Variants in STIM1 observed in about 807,000 individuals in gnomAD.
The protein encoded by STIM1 is stromal interaction molecule 1.
In STIM1, 25 loss-of-function variants were observed where a neutral mutation model predicts 74.7. The ratio of observed to expected loss-of-function variants is 0.33; its 90% CI spans 0.24 to 0.47. The LOEUF (loss-of-function observed/expected upper bound fraction) is 0.47. STIM1 is among the 20% of genes least tolerant of loss of function. STIM1 has a pLI of 1.00. For missense variants in STIM1, 728 were observed against 920.8 expected (o/e 0.79, Z 2.71); for synonymous variants, 328 against 348.8 (o/e 0.94, Z 0.66).
chr11:4,081,552 C>T (rs575133006), intron 7 of STIM1, among the ~76,000 whole-genome samples: 1 of 152,344 alleles, frequency 6.6e-6, no homozygotes, highest in South Asian at 2.1e-4. Flanking sequence ...GGACAATGCC[C>T]TTCTGAAGTA....
intron 1 of STIM1, among the ~76,000 whole-genome samples, chr11:3,861,273 G>C (rs188181760): frequency 0.033 from 4,797 of 143,698 alleles, 101 homozygotes; most frequent in Non-Finnish European, 0.041. Flanking sequence ...TTGCTCTGTT[G>C]CCCAGGCTGG....
chr11:4,029,796 T>C (rs965786497), intron 3 of STIM1, among the ~76,000 whole-genome samples: 1 of 152,228 alleles, frequency 6.6e-6, no homozygotes, highest in Admixed American at 6.5e-5. Context: ...TAAATGTATG[T>C]ACAGGTCACG....
intron 3 of STIM1, among the ~76,000 whole-genome samples, chr11:4,031,763 C>T (rs748280998): frequency 6.6e-6 from 1 of 152,042 alleles, no homozygotes; most frequent in African/African-American, 2.4e-5. Flanking sequence ...TATATATTCT[C>T]CATTTAAGTC....
chr11:3,873,708 C>A (rs117524786), intron 1 of STIM1, among the ~76,000 whole-genome samples: 2 of 152,076 alleles, frequency 1.3e-5, no homozygotes, highest in African/African-American at 2.4e-5. Flanking sequence ...AGTTTACCTA[C>A]GCAGGAAGGG....
At chr11:3,976,736 C>T (rs2093451435) in intron 2 of STIM1, among the ~76,000 whole-genome samples, 1 of 152,014 alleles carries the variant, frequency 6.6e-6, no homozygotes, top group Non-Finnish European at 1.5e-5. Flanking sequence ...TCAAGAAATC[C>T]TCCTGCCTCA....
intron 1 of STIM1, among the ~76,000 whole-genome samples, chr11:3,905,907 G>C (rs2092458266): frequency 6.6e-6 from 1 of 152,374 alleles, no homozygotes; most frequent in East Asian, 1.9e-4. Flanking sequence ...TCTGGGGCTA[G>C]TGCTAGCCTG....
intron 12 of STIM1, among the ~76,000 whole-genome samples, chr11:4,087,577 T>C (rs1198018009): frequency 6.6e-6 from 1 of 152,108 alleles, no homozygotes; most frequent in African/African-American, 2.4e-5. Context: ...GGTTTTGGCC[T>C]CTACCCGTTA....
At chr11:4,080,059 GAAATAAAT>G (rs142489170) in intron 7 of STIM1, among the ~76,000 whole-genome samples, 6,197 of 151,488 alleles carry the variant, frequency 0.041, 401 homozygotes, top group African/African-American at 0.14. Context: ...TCTCTACCAA[GAAATAAAT>G]AAATAAATAA....
At chr11:3,899,653 T>C (rs1181772449) in intron 1 of STIM1, among the ~76,000 whole-genome samples, 279 of 151,454 alleles carry the variant, frequency 1.8e-3, no homozygotes, top group Admixed American at 6.2e-3. Context: ...GGCTGTGGGT[T>C]TGTCATAGAT....
At chr11:4,065,537 T>A (rs1436438814) in intron 5 of STIM1, among the ~76,000 whole-genome samples, 9 of 152,008 alleles carry the variant, frequency 5.9e-5, no homozygotes, top group Non-Finnish European at 8.8e-5. Flanking sequence ...AACTCCTTGA[T>A]GAAAGAATTT....
At chr11:3,998,985 T>C (rs1174738152) in intron 2 of STIM1, among the ~76,000 whole-genome samples, 1 of 152,224 alleles carries the variant, frequency 6.6e-6, no homozygotes, top group Non-Finnish European at 1.5e-5. Context: ...AACTCTGTCT[T>C]TGTAGCATGA....
At chr11:3,959,230 A>T (rs944680053) in intron 1 of STIM1, among the ~76,000 whole-genome samples, 2 of 152,086 alleles carry the variant, frequency 1.3e-5, no homozygotes, top group Non-Finnish European at 2.9e-5. Flanking sequence ...CTTCTTACTG[A>T]TGGGGCCCCT....
chr11:3,889,258 A>C (rs1231241079), intron 1 of STIM1, among the ~76,000 whole-genome samples: 1 of 151,726 alleles, frequency 6.6e-6, no homozygotes, highest in Non-Finnish European at 1.5e-5. Context: ...TCCAAGGAAT[A>C]AACTATATTT....
chr11:3,977,087 G>C (rs530595017), intron 2 of STIM1, among the ~76,000 whole-genome samples: 1 of 152,256 alleles, frequency 6.6e-6, no homozygotes, highest in African/African-American at 2.4e-5. Context: ...GAGCCACCAC[G>C]CCTGGCCCCT....
chr11:4,036,626 T>C (rs1222374809), intron 3 of STIM1, among the ~76,000 whole-genome samples: 1 of 152,250 alleles, frequency 6.6e-6, no homozygotes, highest in Non-Finnish European at 1.5e-5. Flanking sequence ...GCTTTTTTCA[T>C]ATGTTTGTTG....
rs145197758 is a variant in STIM1, at chr11:4,091,584, G to A, written c.1937G>A (p.Arg646His). The part of the protein sequence containing the change: ...PGGSPHLDSS[R>H]SHSPSSPDPD... ...GGCTCTCCACATTTGGATTCTTCCC[G>A]TTCTCACAGCCCCAGCTCCCCAGAC... The change falls in exon 13 of 13, where the codon CGT (arginine) becomes CAT (histidine). Residue 646 changes from arginine to histidine, a missense_variant. Around this residue, in one of 5 missense-constraint regions of STIM1, gnomAD observed 352 missense variants for 370.1 expected, o/e 0.95. Transcript: ENST00000526596. 104 of 1,614,048 alleles carry A rather than the reference G, an allele frequency of 6.4e-5. No homozygotes were observed. The highest frequency in any genetic ancestry group is 8.3e-5 in the Admixed American group (5 of 59,990).
intron 1 of STIM1, among the ~76,000 whole-genome samples, chr11:3,896,059 C>T (rs1590540002): frequency 6.6e-6 from 1 of 151,636 alleles, no homozygotes; most frequent in Non-Finnish European, 1.5e-5. Flanking sequence ...CGCCCACCAC[C>T]ACACCCGGCT....
At chr11:3,869,322 A>G (rs987154604) in intron 1 of STIM1, among the ~76,000 whole-genome samples, 12 of 152,146 alleles carry the variant, frequency 7.9e-5, no homozygotes, top group Non-Finnish European at 1.8e-4. Flanking sequence ...GCATTATTTT[A>G]GTTAATCCTC....
intron 6 of STIM1, among the ~76,000 whole-genome samples, chr11:4,074,142 C>T (rs2094423082): frequency 6.6e-6 from 1 of 152,194 alleles, no homozygotes; most frequent in African/African-American, 2.4e-5. Flanking sequence ...CTGCCTGTCC[C>T]AGGCTGATAA....
Sources: gnomAD v4.1 joint callset for allele counts (sites outside exome capture counted in the v4.1 genomes callset) on GRCh38, gnomAD v4.1.1 for gene constraint, gnomAD v4.1.1 regional missense constraint, MANE v1.5 for transcripts, NCBI Gene and HGNC (gene_info 2026-07-23, HGNC 2026-07-21) for gene names.